NCAM2: variants seen among roughly 807,000 people sequenced by gnomAD.
The protein encoded by NCAM2 is neural cell adhesion molecule 2.
Under a neutral mutation model 98.1 loss-of-function variants are expected in NCAM2, and 30 were observed. The ratio of observed to expected loss-of-function variants is 0.31; its 90% CI spans 0.23 to 0.41. The LOEUF (loss-of-function observed/expected upper bound fraction) is 0.41. Ranked by LOEUF, NCAM2 falls within the 10% of genes least tolerant of loss-of-function variation. The pLI is 1.00. For missense variants in NCAM2, 867 were observed against 1,005.8 expected, an observed-to-expected ratio of 0.86 and a Z score of 1.87; for synonymous variants, 368 against 342.4, an observed-to-expected ratio of 1.07 and a Z score of -0.83.
chr21:21,251,014 C>T lies in NCAM2; in HGVS notation c.56-29564C>T, dbSNP rs1369192014. Among the ~76,000 whole-genome samples, 5 of 152,130 alleles carry T rather than the reference C, an allele frequency of 3.3e-5. 1 individual carries two copies. In the South Asian group the frequency reaches 1.0e-3, roughly 32 times the overall value. Reference sequence around the variant, plus strand: ...CAGATGAAACTTAAGTTTAACCTGGCATGATTATTTTTAACACCTGGCTTA... The same window carrying T: ...CAGATGAAACTTAAGTTTAACCTGGTATGATTATTTTTAACACCTGGCTTA... On this transcript the variant is annotated intron_variant, in intron 1 of 17. Coordinates refer to ENST00000400546, the MANE Select transcript of NCAM2 (RefSeq NM_004540.5).
At chr21:21,154,017 G>GA (rs968290151) in intron 1 of NCAM2, among the ~76,000 whole-genome samples, 10 of 151,676 alleles carry the variant, frequency 6.6e-5, no homozygotes, top group South Asian at 2.1e-4. Context: ...TGTGATAAGT[G>GA]AAAAAAATGT....
intron 1 of NCAM2, among the ~76,000 whole-genome samples, chr21:21,000,562 G>A (rs2064000878): frequency 6.6e-6 from 1 of 152,060 alleles, no homozygotes; most frequent in African/African-American, 2.4e-5. Flanking sequence ...ATACGAGGTG[G>A]TTATGAAGAG....
chr21:21,397,182 C>A (rs989075785), intron 9 of NCAM2, among the ~76,000 whole-genome samples: 10 of 152,054 alleles, frequency 6.6e-5, no homozygotes, highest in Admixed American at 6.5e-4. Context: ...GCTGATTGGT[C>A]CATGGTTGGC....
At chr21:21,228,241 A>G (rs1045354958) in intron 1 of NCAM2, among the ~76,000 whole-genome samples, 26 of 151,778 alleles carry the variant, frequency 1.7e-4, no homozygotes, top group Non-Finnish European at 3.0e-5. Flanking sequence ...GTCTAATAGC[A>G]TCAAATGCTA....
chr21:21,456,034 T>TG (rs1316345099), intron 12 of NCAM2, among the ~76,000 whole-genome samples: 1 of 152,174 alleles, frequency 6.6e-6, no homozygotes, highest in Non-Finnish European at 1.5e-5. Context: ...TGCCTAGTGT[T>TG]GCAATTGGTG....
chr21:21,316,518 A>G (rs554127750), intron 5 of NCAM2, among the ~76,000 whole-genome samples: 12 of 144,198 alleles, frequency 8.3e-5, no homozygotes, highest in East Asian at 2.1e-4. Flanking sequence ...TCATCTTCCA[A>G]TTTTATCTTT....
chr21:21,340,391 G>C (rs1157714702), intron 8 of NCAM2, among the ~76,000 whole-genome samples: 1 of 151,870 alleles, frequency 6.6e-6, no homozygotes, highest in African/African-American at 2.4e-5. Context: ...CAAGAAAGCT[G>C]TTATATTTTA....
At chr21:21,205,989 G>A (rs533134292) in intron 1 of NCAM2, among the ~76,000 whole-genome samples, 21 of 152,158 alleles carry the variant, frequency 1.4e-4, no homozygotes, top group African/African-American at 4.6e-4. Flanking sequence ...CTATTACATT[G>A]GTGATTAGGT....
intron 1 of NCAM2, among the ~76,000 whole-genome samples, chr21:21,203,948 A>AT (rs1289849091): frequency 6.6e-6 from 1 of 152,022 alleles, no homozygotes; most frequent in African/African-American, 2.4e-5. Flanking sequence ...CAACCATAAG[A>AT]TTTTTTCTTG....
chr21:21,324,981 T>G (rs376745338), intron 6 of NCAM2, among the ~76,000 whole-genome samples: 8 of 98,652 alleles, frequency 8.1e-5, no homozygotes, highest in African/African-American at 2.9e-4. Flanking sequence ...GTGTAATTTT[T>G]AAAAATTACC....
chr21:21,417,083 A>G (rs945404042), intron 10 of NCAM2, among the ~76,000 whole-genome samples: 2 of 152,096 alleles, frequency 1.3e-5, no homozygotes, highest in Admixed American at 6.5e-5. Context: ...CTCTATTTAA[A>G]TTATTAATCT....
intron 1 of NCAM2, among the ~76,000 whole-genome samples, chr21:21,160,341 G>A (rs545192024): frequency 1.3e-5 from 2 of 151,756 alleles, no homozygotes; most frequent in Admixed American, 6.6e-5. Context: ...ATATATTGTT[G>A]TAGCATAAAA....
chr21:21,128,875 G>C (rs2066880629), intron 1 of NCAM2, among the ~76,000 whole-genome samples: 3 of 152,050 alleles, frequency 2.0e-5, no homozygotes, highest in Admixed American at 2.0e-4. Context: ...AGAAACATTA[G>C]AAGACATCAG....
At chr21:21,480,485 T>G (rs1985778182) in intron 15 of NCAM2, among the ~76,000 whole-genome samples, 1 of 151,418 alleles carries the variant, frequency 6.6e-6, no homozygotes, top group African/African-American at 2.4e-5. Flanking sequence ...ACGTGGAAGG[T>G]ATCTCTGGGA....
At position 21,114,763 on chromosome 21, in the gene NCAM2, T is replaced by C. The variant is rs574978292; in HGVS notation, c.55+116145T>C. 4.6e-5 allele frequency among the ~76,000 whole-genome samples: 7 copies of C among 152,262 alleles called. No homozygotes were observed. The South Asian group carries it at 1.0e-3, about 23-fold the overall frequency. ...GCTTCTTCCCCTTTAACATGAGTAA[T>C]TCTGCTTTTATTAAACAAAACAAAA... On this transcript the variant is annotated intron_variant, in intron 1 of 17. Transcript: ENST00000400546.
intron 16 of NCAM2, among the ~76,000 whole-genome samples, chr21:21,524,297 A>G (rs2146397556): frequency 1.3e-5 from 2 of 152,194 alleles, no homozygotes; most frequent in Admixed American, 6.5e-5. Flanking sequence ...TAACATGTAT[A>G]TGTTTAACAA....
At chr21:21,419,723 G>C (rs2077072556) in intron 11 of NCAM2, among the ~76,000 whole-genome samples, 1 of 151,972 alleles carries the variant, frequency 6.6e-6, no homozygotes, top group Admixed American at 6.6e-5. Flanking sequence ...GTATTCCATG[G>C]TGTATATGTG....
intron 3 of NCAM2, among the ~76,000 whole-genome samples, chr21:21,285,822 T>C (rs527397310): frequency 6.6e-6 from 1 of 152,034 alleles, no homozygotes; most frequent in African/African-American, 2.4e-5. Flanking sequence ...GAAAATAAAT[T>C]ACCTGGGGTA....
At chr21:21,036,221 T>C (rs2064794368) in intron 1 of NCAM2, among the ~76,000 whole-genome samples, 1 of 152,162 alleles carries the variant, frequency 6.6e-6, no homozygotes, top group Non-Finnish European at 1.5e-5. Context: ...GTCATTGACT[T>C]TGCCAAATTG....
Sources: gnomAD v4.1 joint callset for allele counts (sites outside exome capture counted in the v4.1 genomes callset) on GRCh38, gnomAD v4.1.1 for gene constraint, MANE v1.5 for transcripts, NCBI Gene and HGNC (gene_info 2026-07-23, HGNC 2026-07-21) for gene names.